Variants in CASP9 observed in about 807,000 individuals in gnomAD.
The protein encoded by CASP9 is caspase 9.
In CASP9, 29 loss-of-function variants were observed where a neutral mutation model predicts 43.5. The observed-to-expected ratio is 0.67, with a 90% CI of 0.50 to 0.91. The LOEUF (loss-of-function observed/expected upper bound fraction) is 0.91. Ranked by LOEUF, CASP9 falls within the 40% of genes least tolerant of loss-of-function variation. The pLI is 0.00. For synonymous variants in CASP9, 206 were observed against 211.9 expected, an observed-to-expected ratio of 0.97 and a Z score of 0.24; for missense variants, 575 against 537.4, an observed-to-expected ratio of 1.07 and a Z score of -0.69.
chr1:15,523,099 G>A (rs1710273866), intron 1 of CASP9, among the ~76,000 whole-genome samples: 2 of 152,218 alleles, frequency 1.3e-5, no homozygotes, highest in African/African-American at 2.4e-5. Context: ...AGGGTCAAAT[G>A]AGACAAAGAT....
chr1:15,511,501 T>C (rs1709753391), intron 2 of CASP9, among the ~76,000 whole-genome samples: 2 of 152,110 alleles, frequency 1.3e-5, no homozygotes, highest in Admixed American at 1.3e-4. Context: ...TCTCCCAGGT[T>C]CAAACAATTC....
At chr1:15,508,603 C>T (rs1216834984) in intron 2 of CASP9, among the ~76,000 whole-genome samples, 2 of 151,970 alleles carry the variant, frequency 1.3e-5, no homozygotes, top group Non-Finnish European at 2.9e-5. Context: ...TTAGTAGAGA[C>T]GGGGTTTCAC....
In CASP9 at chr1:15,504,609, A is replaced by AC; in HGVS notation, c.868+1dup. On this transcript the variant is annotated splice_donor_variant, in intron 6 of 8. Coordinates refer to ENST00000333868, the MANE Select transcript of CASP9 (RefSeq NM_001229.5). LOFTEE classifies it high-confidence loss of function. The stretch of plus-strand genomic sequence containing the variant: ...CCAGAGGGAGGCTGAGGAGCTGCTT[A>AC]CCCCCACCACAGGCCTGGATGAAAA... 6.2e-7 allele frequency: 1 copy of AC among 1,610,854 alleles called. No individual in the cohort carries two copies. Among genetic ancestry groups the AC allele is most frequent in the Non-Finnish European group, 8.5e-7 (1 of 1,178,618 alleles).
intron 6 of CASP9, among the ~76,000 whole-genome samples, chr1:15,497,260 A>T (rs1386438587): frequency 6.6e-6 from 1 of 150,676 alleles, no homozygotes; most frequent in Non-Finnish European, 1.5e-5. Context: ...GCAGTGAGTC[A>T]AGATCGTGCC....
chr1:15,497,561 T>C (rs1301948117), intron 6 of CASP9, among the ~76,000 whole-genome samples: 1 of 151,534 alleles, frequency 6.6e-6, no homozygotes, highest in African/African-American at 2.4e-5. Flanking sequence ...GAGAATTGCT[T>C]GAACCAGGGA....
chr1:15,521,384 C>T (rs1710193199), intron 1 of CASP9, among the ~76,000 whole-genome samples: 1 of 152,102 alleles, frequency 6.6e-6, no homozygotes, highest in African/African-American at 2.4e-5. Flanking sequence ...CGCAGTCATC[C>T]GGAGACCTAA....
intron 3 of CASP9, among the ~76,000 whole-genome samples, chr1:15,507,333 C>T (rs1034643263): frequency 6.6e-5 from 10 of 152,184 alleles, no homozygotes; most frequent in South Asian, 2.1e-4. Context: ...AAGGACCTCA[C>T]GGGTCACCTA....
chr1:15,500,371 T>C (rs2103337038), intron 6 of CASP9, among the ~76,000 whole-genome samples: 1 of 152,082 alleles, frequency 6.6e-6, no homozygotes, highest in East Asian at 1.9e-4. Context: ...CTGAGGGAAG[T>C]CACAGTTCAC....
Position 15,518,246 on chromosome 1 carries a change from T to G in CASP9, c.282A>C (p.Gln94His), listed in dbSNP as rs1181823025. 1 of 1,614,232 alleles carries G rather than the reference T, an allele frequency of 6.2e-7. No individual in the cohort carries two copies. The highest frequency in any genetic ancestry group is 2.2e-5 in the East Asian group (1 of 44,890). The change falls in exon 2 of 9, where the codon CAA (glutamine) becomes CAC (histidine). Residue 94 changes from glutamine (Q) to histidine (H), a missense_variant. Coordinates refer to ENST00000333868, the MANE Select transcript of CASP9 (RefSeq NM_001229.5). ...MLASFLRTNR[Q>H]AAKLSKPTLE... ...GGGTTGGCTTCGACAACTTTGCTGCTTGCCTGTTAGTTCGCAGAAACGAAG... is the reference window on the plus strand; with the variant it reads ...GGGTTGGCTTCGACAACTTTGCTGCGTGCCTGTTAGTTCGCAGAAACGAAG...
Position 15,518,223 on chromosome 1 carries a change from G to A in CASP9, c.305C>T (p.Thr102Ile), listed in dbSNP as rs2308941. ...CACCACTGGGGTAAGGTTTTCTAGG[G>A]TTGGCTTCGACAACTTTGCTGCTTG... is the stretch of plus-strand genomic sequence containing the variant. Reference protein sequence around the residue: ...NRQAAKLSKPTLENLTPVVLR... With the variant: ...NRQAAKLSKPILENLTPVVLR... The change falls in exon 2 of 9, where the codon ACC (threonine) becomes ATC (isoleucine). Residue 102 changes from threonine (T) to isoleucine (I), a missense_variant. Transcript: ENST00000333868. 0.015 allele frequency: 23,800 copies of A among 1,614,176 alleles called. 219 individuals are homozygous for A. Among genetic ancestry groups the A allele is most frequent in the Non-Finnish European group, 0.018 (21,323 of 1,180,032 alleles).
Position 15,492,812 on chromosome 1 carries a change from CAG to C in CASP9, c.*129_*130del. ...CTGCTAAGAGCCTGTCTGTCACTGG[CAG>C]AGAAAGAGCAGACCCTGTGCCGGCT... On this transcript the variant is annotated 3_prime_UTR_variant, in exon 9 of 9. Transcript: ENST00000333868. 3.9e-6 allele frequency: 5 copies of C among 1,272,788 alleles called. No individual in the cohort carries two copies. The South Asian group carries it at 7.1e-5, about 18-fold the overall frequency. 78.8% of individuals were successfully genotyped at this position (1,272,788 alleles called of 1,614,324 possible).
chr1:15,510,553 G>C (rs1709715677), intron 2 of CASP9, among the ~76,000 whole-genome samples: 1 of 152,068 alleles, frequency 6.6e-6, no homozygotes, highest in South Asian at 2.1e-4. Context: ...CCCCAAATTA[G>C]AAATATCTAT....
intron 1 of CASP9, among the ~76,000 whole-genome samples, chr1:15,520,679 C>T (rs751999395): frequency 1.3e-5 from 2 of 152,206 alleles, no homozygotes; most frequent in African/African-American, 2.4e-5. Flanking sequence ...TCCTGCCAGG[C>T]GCGGTGGCTC....
At chr1:15,499,494 T>C (rs1709241403) in intron 6 of CASP9, among the ~76,000 whole-genome samples, 2 of 152,202 alleles carry the variant, frequency 1.3e-5, no homozygotes, top group Admixed American at 1.3e-4. Flanking sequence ...AAATACCAAA[T>C]AGACACCAAG....
chr1:15,495,548 T>C (rs4646091), intron 6 of CASP9, 96 bp from the exon 7 acceptor site: 240,538 of 1,067,474 alleles, frequency 0.23, 29,622 homozygotes, highest in African/African-American at 0.43. Flanking sequence ...ACATTAACAG[T>C]GTGAAAGGAA....
intron 7 of CASP9, 56 bp downstream of exon 7, chr1:15,495,217 T>C: frequency 1.3e-6 from 2 of 1,519,016 alleles, no homozygotes; most frequent in Non-Finnish European, 1.8e-6. Flanking sequence ...CAGCTGCCTC[T>C]AGGGCAGACG....
chr1:15,510,175 C>T (rs1203917605), intron 2 of CASP9, among the ~76,000 whole-genome samples: 2 of 152,170 alleles, frequency 1.3e-5, no homozygotes, highest in African/African-American at 4.8e-5. Flanking sequence ...GGTGATCCAC[C>T]TGCCTCACCC....
intron 2 of CASP9, 58 bp from the exon 3 acceptor site, chr1:15,507,965 A>G: frequency 6.3e-7 from 1 of 1,579,066 alleles, no homozygotes; most frequent in Non-Finnish European, 8.7e-7. Flanking sequence ...AGGAGGGGCA[A>G]GGGGCTCTGT....
intron 3 of CASP9, 90 bp downstream of exon 3, chr1:15,507,783 C>T: frequency 2.3e-6 from 3 of 1,323,536 alleles, no homozygotes; most frequent in Non-Finnish European, 3.3e-6. Context: ...GTTCCCTGGG[C>T]TCCTGACACA....
Sources: gnomAD v4.1 joint callset for allele counts (sites outside exome capture counted in the v4.1 genomes callset) on GRCh38, gnomAD v4.1.1 for gene constraint, MANE v1.5 for transcripts, NCBI Gene and HGNC (gene_info 2026-07-23, HGNC 2026-07-21) for gene names.